The following HADHA variants were observed in gnomAD, a reference collection of about 807,000 sequenced individuals.
HADHA encodes the protein trifunctional enzyme subunit alpha, mitochondrial.
A neutral mutation model predicts 91.3 loss-of-function variants in HADHA; 59 were observed. The observed-to-expected ratio is 0.65, with a 90% confidence interval of 0.52 to 0.80. HADHA has a LOEUF of 0.80. Ranked by LOEUF, HADHA falls within the 30% of genes least tolerant of loss-of-function variation. The probability of loss-of-function intolerance (pLI) is 0.00; values close to 1 mark genes in which losing one functional copy is unlikely to be tolerated. For synonymous variants in HADHA, 320 were observed against 338.9 expected (o/e 0.94, Z 0.61); for missense variants, 800 against 927.6 (o/e 0.86, Z 1.79).
intron 18 of HADHA, among the ~76,000 whole-genome samples, chr2:26,191,914 A>G (rs1156337270): frequency 1.3e-5 from 2 of 152,236 alleles, no homozygotes; most frequent in African/African-American, 4.8e-5. Flanking sequence ...CTCACAAATG[A>G]TAATAAAGAT....
At chr2:26,192,506 GC>G in intron 17 of HADHA, 82 bp from the exon 18 acceptor site, 1 of 831,944 alleles carries the variant, frequency 1.2e-6, no homozygotes, top group Non-Finnish European at 2.1e-6. Context: ...CCCTGGCCTG[GC>G]CAGGCGTGGT....
intron 11 of HADHA, among the ~76,000 whole-genome samples, chr2:26,208,619 G>C (rs1422791999): frequency 6.6e-6 from 1 of 152,178 alleles, no homozygotes; most frequent in East Asian, 1.9e-4. Flanking sequence ...TTTATGCCGT[G>C]CACAGGGAAT....
intron 9 of HADHA, among the ~76,000 whole-genome samples, chr2:26,212,917 C>T (rs1458041389): frequency 1.3e-5 from 2 of 152,206 alleles, no homozygotes; most frequent in Non-Finnish European, 2.9e-5. Flanking sequence ...TCCTCAACTT[C>T]CACTTTCAGC....
chr2:26,209,160 G>T (rs553458622), intron 11 of HADHA, among the ~76,000 whole-genome samples: 16 of 152,126 alleles, frequency 1.1e-4, no homozygotes, highest in Non-Finnish European at 2.2e-4. Flanking sequence ...CTCCCTAGTT[G>T]TGACAACCAA....
intron 4 of HADHA, 62 bp from the exon 5 acceptor site, chr2:26,234,417 A>G (rs1670698693): frequency 1.5e-6 from 2 of 1,357,094 alleles, no homozygotes; most frequent in Non-Finnish European, 2.1e-6. Flanking sequence ...ATTTGGTTCA[A>G]TACTTATTCA....
chr2:26,192,257 T>TGGGCTGTCAGA (rs1348270001), intron 18 of HADHA, 53 bp downstream of exon 18: 1 of 925,974 alleles, frequency 1.1e-6, no homozygotes, highest in Non-Finnish European at 1.8e-6. Context: ...TGGGAAGCTT[T>TGGGCTGTCAGA]GGGCTGTCAG....
At chr2:26,203,433 T>C (rs1669898267) in intron 12 of HADHA, among the ~76,000 whole-genome samples, 1 of 152,162 alleles carries the variant, frequency 6.6e-6, no homozygotes, top group South Asian at 2.1e-4. Flanking sequence ...ATGTGTGTGA[T>C]GGTGAGAGAG....
In HADHA at chr2:26,214,323, T is replaced by G; in HGVS notation, c.918+120A>C. ...CCTTCCCTTATTTTTGGTAAATACT[T>G]TAATAGCAGAATTAAGAAATTTAGT... is the stretch of plus-strand genomic sequence containing the variant. On this transcript the variant is annotated intron_variant, in intron 9 of 19. Transcript: ENST00000380649. The surrounding 1 kb of genome is among the most constrained non-coding windows in gnomAD (Gnocchi z 4.1). The G allele has an allele frequency of 1.3e-6, 1 of 766,858 alleles. No individual in the cohort carries two copies. Among genetic ancestry groups the G allele is most frequent in the Non-Finnish European group, 2.4e-6 (1 of 415,458 alleles). 47.5% of individuals were successfully genotyped at this position (766,858 alleles called of 1,614,324 possible).
In HADHA at chr2:26,192,354, C is replaced by A; in HGVS notation, c.1956G>T (p.Met652Ile). ...GCTTCAGACTCGCTAAAATACTATC[C>A]ATGTCAGAATTCAAATCCTTCCTCT... ...GVKRKDLNSD[M>I]DSILASLKLP... is the part of the protein sequence containing the mutation. Residue 652 changes from methionine (M) to isoleucine (I), a missense_variant, in exon 18 of 20, where the codon ATG (methionine) becomes ATT (isoleucine). By Grantham distance (10) the Met-to-Ile change is conservative (BLOSUM62 1). Coordinates refer to ENST00000380649, the MANE Select transcript of HADHA (RefSeq NM_000182.5). The A allele has an allele frequency of 6.2e-7, 1 of 1,609,848 alleles. No homozygotes were observed.
At chr2:26,234,685 G>GA (rs1035992583) in intron 4 of HADHA, among the ~76,000 whole-genome samples, 3 of 151,180 alleles carry the variant, frequency 2.0e-5, no homozygotes, top group Non-Finnish European at 2.9e-5. Context: ...AGAACAGTGT[G>GA]AAACCGGGAG....
intron 7 of HADHA, among the ~76,000 whole-genome samples, chr2:26,218,340 GA>G (rs759743904): frequency 6.6e-6 from 1 of 151,710 alleles, no homozygotes; most frequent in African/African-American, 2.4e-5. Context: ...AGCAATCTAG[GA>G]AAAATATGTT....
At chr2:26,243,244 A>G (rs1189068231) in intron 1 of HADHA, 1 of 152,248 alleles carries the variant, frequency 6.6e-6, no homozygotes, top group Non-Finnish European at 1.5e-5. Context: ...CCGATCCATA[A>G]GAAATACCTT....
intron 7 of HADHA, among the ~76,000 whole-genome samples, chr2:26,220,600 C>A (rs745330123): frequency 3.9e-5 from 6 of 152,228 alleles, no homozygotes; most frequent in Non-Finnish European, 8.8e-5. Context: ...AACTGGTGTT[C>A]CAGATGTCGT....
chr2:26,199,726 A>T (rs953021611), intron 13 of HADHA, among the ~76,000 whole-genome samples: 1 of 152,062 alleles, frequency 6.6e-6, no homozygotes, highest in African/African-American at 2.4e-5. Context: ...TAAATTATTT[A>T]TCTTTTTTTC....
Position 26,212,615 on chromosome 2 carries a change from A to G in HADHA, c.930T>C (p.Thr310=), listed in dbSNP as rs1670129457. 6.3e-7 allele frequency: 1 copy of G among 1,598,940 alleles called. No individual in the cohort carries two copies. The highest frequency in any genetic ancestry group is 8.6e-7 in the Non-Finnish European group (1 of 1,166,130). Residue 310 remains threonine, a synonymous_variant, in exon 10 of 20, where the codon ACT becomes ACC. Coordinates refer to ENST00000380649, the MANE Select transcript of HADHA (RefSeq NM_000182.5). The part of the protein sequence containing the change: ...APLKIIDVVK[T]GIEQGSDAGY... ...CGGCATCACTCCCTTGCTCAATTCC[A>G]GTCTTTACCACCTAAAAAACATATA...
chr2:26,192,909 G>A (rs761429156), intron 17 of HADHA, among the ~76,000 whole-genome samples: 14 of 152,122 alleles, frequency 9.2e-5, no homozygotes, highest in African/African-American at 2.4e-5. Flanking sequence ...CTTGTGACCC[G>A]GAGCTTGGGC....
In HADHA at chr2:26,221,873, C is replaced by T. The variant is rs75934322; in HGVS notation, c.677-6698G>A. On this transcript the variant is annotated intron_variant, in intron 7 of 19. Transcript: ENST00000380649. This position sits in a 1 kb window ranked among gnomAD's most constrained non-coding sequence, Gnocchi z 4.8. ...CAGTGCACCCGGTTGTTCATTTTGTCTAGAAAGAAAAATGGCCTGAGCTAA... is the reference window on the plus strand; with the variant it reads ...CAGTGCACCCGGTTGTTCATTTTGTTTAGAAAGAAAAATGGCCTGAGCTAA... Among the ~76,000 whole-genome samples, 339 of 152,242 alleles carry T rather than the reference C, an allele frequency of 2.2e-3. 1 individual carries two copies. The highest frequency in any genetic ancestry group is 0.01 in the Middle Eastern group (3 of 294).
Position 26,201,249 on chromosome 2 carries a change from C to T in HADHA, c.1292G>A (p.Gly431Glu), listed in dbSNP as rs777556017. 20 of 1,611,794 alleles carry T rather than the reference C, an allele frequency of 1.2e-5. No homozygotes were observed. The highest frequency in any genetic ancestry group is 1.4e-5 in the Non-Finnish European group (16 of 1,177,870). Residue 431 changes from glycine to glutamate, a missense_variant, in exon 13 of 20, where the codon GGG (glycine) becomes GAG (glutamate). Coordinates refer to ENST00000380649, the MANE Select transcript of HADHA (RefSeq NM_000182.5). ...ERDSIFSNLTGQLDYQGFEKA... is the reference protein window; with the variant it reads ...ERDSIFSNLTEQLDYQGFEKA... ...TTCAAAACCTTGGTAATCAAGCTGCCCAGTCAAGTTGCTGAAGATGGAATC... is the reference window on the plus strand; with the variant it reads ...TTCAAAACCTTGGTAATCAAGCTGCTCAGTCAAGTTGCTGAAGATGGAATC...
In HADHA at chr2:26,215,160, GGTTTTA is replaced by G. The variant is rs1486927726; in HGVS notation, c.686_691del (p.Leu229_Lys230del). The G allele has an allele frequency of 1.2e-6, 2 of 1,612,364 alleles. No individual in the cohort carries two copies. Among genetic ancestry groups the G allele is most frequent in the South Asian group, 2.2e-5 (2 of 91,064 alleles). ...GTATTCTATTGTCCGTTCCTCTGGA[GGTTTTA>G]GTCCTGGTCCTATAAAAATGAATGC... is the stretch of plus-strand genomic sequence containing the variant. On this transcript the variant is annotated inframe_deletion, in exon 8 of 20. Transcript: ENST00000380649.
Sources: allele counts gnomAD v4.1 joint callset (sites outside exome capture counted in the v4.1 genomes callset), GRCh38; gene constraint gnomAD v4.1.1; non-coding constraint Gnocchi (gnomAD v3.1); transcripts MANE v1.5; gene names NCBI Gene and HGNC (gene_info 2026-07-23, HGNC 2026-07-21).